Variants in NDUFAF6 observed in about 807,000 individuals in gnomAD.
NDUFAF6 encodes the protein NADH:ubiquinone oxidoreductase complex assembly factor 6, also known as NADH dehydrogenase (ubiquinone) complex I, assembly factor 6.
Under a neutral mutation model 40.8 loss-of-function variants are expected in NDUFAF6, and 45 were observed. The ratio of observed to expected loss-of-function variants is 1.10; its 90% CI spans 0.87 to 1.42. NDUFAF6 has a LOEUF of 1.42. Among genes scored for constraint, NDUFAF6 ranks in the 40% most tolerant of loss-of-function variants. The probability of loss-of-function intolerance (pLI) is 0.00; values close to 1 mark genes in which losing one functional copy is unlikely to be tolerated. For synonymous variants in NDUFAF6, 185 were observed against 155.9 expected, an observed-to-expected ratio of 1.19 and a Z score of -1.39; for missense variants, 435 against 418.5, an observed-to-expected ratio of 1.04 and a Z score of -0.34.
chr8:94,914,309 C>T (rs539834327), intron 1 of NDUFAF6, among the ~76,000 whole-genome samples: 2 of 152,060 alleles, frequency 1.3e-5, no homozygotes, highest in Non-Finnish European at 2.9e-5. Context: ...CGCTGTAAGC[C>T]AGCATCCATG....
At chr8:94,940,477 A>T (rs1180110700) in intron 1 of NDUFAF6, among the ~76,000 whole-genome samples, 1 of 151,744 alleles carries the variant, frequency 6.6e-6, no homozygotes, top group Admixed American at 6.6e-5. Flanking sequence ...GTGTCACTAT[A>T]TGGGATAGAT....
intron 2 of NDUFAF6, among the ~76,000 whole-genome samples, chr8:95,000,020 G>A (rs1259671032): frequency 6.6e-6 from 1 of 151,512 alleles, no homozygotes; most frequent in Non-Finnish European, 1.5e-5. Context: ...GATCAGCCTG[G>A]ACAACATAGT....
intron 2 of NDUFAF6, among the ~76,000 whole-genome samples, chr8:94,949,603 T>G (rs1014231371): frequency 1.3e-5 from 2 of 148,426 alleles, no homozygotes; most frequent in Non-Finnish European, 3.0e-5. Flanking sequence ...AGCGGAAGGG[T>G]GGGAGAGAGG....
At chr8:94,942,625 T>G (rs1427135108) in intron 1 of NDUFAF6, among the ~76,000 whole-genome samples, 1 of 152,232 alleles carries the variant, frequency 6.6e-6, no homozygotes, top group Non-Finnish European at 1.5e-5. Flanking sequence ...TCAGGTGCAG[T>G]GCTGGGCACA....
At chr8:95,028,960 G>A (rs573907230) in intron 1 of NDUFAF6, among the ~76,000 whole-genome samples, 2 of 152,298 alleles carry the variant, frequency 1.3e-5, no homozygotes, top group South Asian at 4.1e-4. Flanking sequence ...ACTGCTTAGG[G>A]TGAGATCTTT....
intron 1 of NDUFAF6, among the ~76,000 whole-genome samples, chr8:94,976,273 A>G (rs1180496845): frequency 1.3e-5 from 2 of 151,626 alleles, no homozygotes; most frequent in African/African-American, 2.4e-5. Context: ...TGGGAGGCAG[A>G]GGCAGGCGGA....
intron 1 of NDUFAF6, among the ~76,000 whole-genome samples, chr8:94,916,543 G>A (rs2131249051): frequency 6.6e-6 from 1 of 152,354 alleles, no homozygotes; most frequent in African/African-American, 2.4e-5. Flanking sequence ...GCCGGGTGCA[G>A]TGGCTCATGC....
intron 2 of NDUFAF6, among the ~76,000 whole-genome samples, chr8:95,012,393 AT>A (rs1372105784): frequency 6.6e-6 from 1 of 152,190 alleles, no homozygotes; most frequent in Non-Finnish European, 1.5e-5. Flanking sequence ...CTCAGCTCAT[AT>A]TCCAGTGAAA....
At chr8:94,978,223 G>C (rs1397143353) in intron 1 of NDUFAF6, among the ~76,000 whole-genome samples, 1 of 152,134 alleles carries the variant, frequency 6.6e-6, no homozygotes, top group Non-Finnish European at 1.5e-5. Flanking sequence ...GCTGGAGATT[G>C]AGTTAATAAC....
chr8:95,111,005 C>T (rs927662532), intron 4 of NDUFAF6, among the ~76,000 whole-genome samples: 1 of 152,152 alleles, frequency 6.6e-6, no homozygotes, highest in African/African-American at 2.4e-5. Flanking sequence ...GGAGGTGAAG[C>T]CTTGTGGGCT....
intron 4 of NDUFAF6, among the ~76,000 whole-genome samples, chr8:95,114,895 C>T (rs539691478): frequency 3.0e-4 from 45 of 152,032 alleles, no homozygotes; most frequent in African/African-American, 9.2e-4. Context: ...GAAAATAATA[C>T]GTGAAAGCGT....
intron 3 of NDUFAF6, among the ~76,000 whole-genome samples, chr8:95,037,689 G>A (rs765973172): frequency 7.2e-5 from 11 of 152,138 alleles, no homozygotes; most frequent in Non-Finnish European, 1.5e-4. Context: ...TGATGAGCAC[G>A]CTGGCCTTTA....
At chr8:94,909,171 C>G (rs979958331) in intron 1 of NDUFAF6, among the ~76,000 whole-genome samples, 1 of 151,894 alleles carries the variant, frequency 6.6e-6, no homozygotes, top group South Asian at 2.1e-4. Context: ...CATGGCGAAA[C>G]CCCATCTCTA....
chr8:94,902,418 C>CA (rs369670770), intron 1 of NDUFAF6, among the ~76,000 whole-genome samples: 88,504 of 132,342 alleles, frequency 0.67, 28,529 homozygotes, highest in East Asian at 0.78. Flanking sequence ...GGCCCTGTCT[C>CA]AAAAAAAAAA....
chr8:95,109,985 C>T (rs1809951794), intron 4 of NDUFAF6, among the ~76,000 whole-genome samples: 1 of 152,038 alleles, frequency 6.6e-6, no homozygotes, highest in Admixed American at 6.6e-5. Flanking sequence ...TAATTTGATC[C>T]CCTGGATTGT....
chr8:95,039,430 C>T (rs1015102113), intron 3 of NDUFAF6, among the ~76,000 whole-genome samples: 1 of 150,078 alleles, frequency 6.7e-6, no homozygotes, highest in African/African-American at 2.5e-5. Flanking sequence ...TCCAGCCTGG[C>T]GACAAAGCGA....
intron 2 of NDUFAF6, among the ~76,000 whole-genome samples, chr8:94,997,167 T>A (rs1826468224): frequency 6.6e-6 from 1 of 152,260 alleles, no homozygotes; most frequent in South Asian, 2.1e-4. Flanking sequence ...ACGTGACAGA[T>A]GTGGTAGAAT....
rs974090325 is a variant in NDUFAF6, at chr8:95,082,063, C to CA, written n.213+6320dup. Reference sequence around the variant, plus strand: ...TGGGTGACAGAGTGAGACTCCGTCTCAAAAAAAAACAACAAAAAAAAAAAA... The same window carrying CA: ...TGGGTGACAGAGTGAGACTCCGTCTCAAAAAAAAAACAACAAAAAAAAAAAA... On this transcript the variant is annotated intron_variant and non_coding_transcript_variant, in intron 2 of 5. Transcript: ENST00000523184. 5.6e-3 allele frequency among the ~76,000 whole-genome samples: 828 copies of CA among 147,038 alleles called. 6 individuals carry two copies. Among genetic ancestry groups the CA allele is most frequent in the African/African-American group, 0.019 (790 of 40,666 alleles).
At chr8:94,940,554 C>T (rs528303464) in intron 1 of NDUFAF6, among the ~76,000 whole-genome samples, 5 of 152,134 alleles carry the variant, frequency 3.3e-5, no homozygotes, top group Admixed American at 2.6e-4. Context: ...TGTAATGAGA[C>T]ATATTGGTTA....
Sources: gnomAD v4.1 joint callset for allele counts (sites outside exome capture counted in the v4.1 genomes callset) on GRCh38, gnomAD v4.1.1 for gene constraint, MANE v1.5 for transcripts, NCBI Gene and HGNC (gene_info 2026-07-23, HGNC 2026-07-21) for gene names.